LTBP1: variants seen among roughly 807,000 people sequenced by gnomAD.
The protein encoded by LTBP1 is latent transforming growth factor beta binding protein 1, also known as latent-transforming growth factor beta-binding protein 1.
LTBP1 carries 129 observed loss-of-function variants against 207.6 expected under a neutral mutation model. That is an observed-to-expected ratio of 0.62 (90% CI 0.54 to 0.72). The LOEUF is 0.72. Ranked by LOEUF, LTBP1 falls within the 30% of genes least tolerant of loss-of-function variation. The pLI is 0.00. For missense variants in LTBP1, 2,281 were observed against 2,217.2 expected (o/e 1.03, Z -0.58); for synonymous variants, 963 against 833.7 (o/e 1.16, Z -2.67).
Position 33,314,168 on chromosome 2 carries a change from C to T in LTBP1, c.3605-976C>T, listed in dbSNP as rs149459364. Among the ~76,000 whole-genome samples the T allele has an allele frequency of 1.6e-3, 248 of 152,200 alleles. 1 individual carries two copies. Among genetic ancestry groups the T allele is most frequent in the African/African-American group, 5.4e-3 (223 of 41,524 alleles). On this transcript the variant is annotated intron_variant, in intron 23 of 33. Coordinates refer to ENST00000404816, the MANE Select transcript of LTBP1 (RefSeq NM_206943.4). ...CTTAATAGTAGTTATTGCTTTTTGACGCTTCATTGTGTGGTAGGCACTGCC... is the reference window on the plus strand; with the variant it reads ...CTTAATAGTAGTTATTGCTTTTTGATGCTTCATTGTGTGGTAGGCACTGCC...
At chr2:33,158,943 G>A (rs1024586816) in intron 5 of LTBP1, among the ~76,000 whole-genome samples, 7 of 152,178 alleles carry the variant, frequency 4.6e-5, no homozygotes, top group Admixed American at 1.3e-4. Flanking sequence ...TCTCAGTCCA[G>A]CACAGTATAA....
intron 3 of LTBP1, among the ~76,000 whole-genome samples, chr2:33,088,968 C>A (rs1299126917): frequency 6.6e-6 from 1 of 151,720 alleles, no homozygotes; most frequent in African/African-American, 2.4e-5. Context: ...CCAGCCTGGC[C>A]AACATGTTGA....
intron 3 of LTBP1, among the ~76,000 whole-genome samples, chr2:33,099,110 T>C (rs1323331917): frequency 6.6e-6 from 1 of 152,240 alleles, no homozygotes; most frequent in East Asian, 1.9e-4. Context: ...CCCTCCAACA[T>C]TTTCAGCAGT....
At chr2:33,337,173 C>T (rs937014904) in intron 24 of LTBP1, among the ~76,000 whole-genome samples, 2 of 152,076 alleles carry the variant, frequency 1.3e-5, no homozygotes, top group East Asian at 1.9e-4. Flanking sequence ...TTTGAGAATT[C>T]GGGAGTGCAT....
chr2:33,388,246 G>A (rs982249128), intron 31 of LTBP1, among the ~76,000 whole-genome samples: 1 of 152,156 alleles, frequency 6.6e-6, no homozygotes, highest in South Asian at 2.1e-4. Flanking sequence ...TCAGGGGGCC[G>A]TGGGGCTGAC....
chr2:33,232,175 A>T (rs956753329), intron 9 of LTBP1, among the ~76,000 whole-genome samples: 1 of 152,130 alleles, frequency 6.6e-6, no homozygotes, highest in South Asian at 2.1e-4. Flanking sequence ...GTGACCAGAC[A>T]TTACCTAGGG....
At chr2:33,193,515 C>T (rs2088161300) in intron 7 of LTBP1, among the ~76,000 whole-genome samples, 1 of 152,164 alleles carries the variant, frequency 6.6e-6, no homozygotes, top group African/African-American at 2.4e-5. Context: ...TCGTAGTTTA[C>T]AGGCACACTT....
intron 9 of LTBP1, among the ~76,000 whole-genome samples, chr2:33,222,794 A>G (rs2091197045): frequency 1.3e-5 from 2 of 152,322 alleles, no homozygotes; most frequent in African/African-American, 4.8e-5. Flanking sequence ...TTCTTGTGGC[A>G]GCATAGAGCT....
intron 2 of LTBP1, among the ~76,000 whole-genome samples, chr2:32,955,045 G>T (rs1677859507): frequency 6.6e-6 from 1 of 152,228 alleles, no homozygotes; most frequent in Non-Finnish European, 1.5e-5. Context: ...AATGTTGAAA[G>T]TTGTTAAATT....
intron 2 of LTBP1, among the ~76,000 whole-genome samples, chr2:32,968,050 C>T (rs1680260111): frequency 6.6e-6 from 1 of 152,156 alleles, no homozygotes; most frequent in Non-Finnish European, 1.5e-5. Flanking sequence ...TCACTGCAAC[C>T]TCTGTCTCCT....
intron 25 of LTBP1, among the ~76,000 whole-genome samples, chr2:33,344,786 C>T (rs2149715132): frequency 6.6e-6 from 1 of 152,308 alleles, no homozygotes; most frequent in Admixed American, 6.5e-5. Context: ...GGGCAGGGCA[C>T]GATGCTTGGC....
At chr2:33,155,259 T>G (rs1325395880) in intron 5 of LTBP1, among the ~76,000 whole-genome samples, 3 of 151,950 alleles carry the variant, frequency 2.0e-5, no homozygotes. Context: ...AGAGATACGG[T>G]TTCACCATAT....
rs746745661 is a variant in LTBP1 at position 33,128,433 on chromosome 2, G to C, written c.1034-6360G>C. Among the ~76,000 whole-genome samples the C allele has an allele frequency of 2.9e-4, 44 of 152,326 alleles. No individual in the cohort carries two copies. The South Asian group carries it at 5.0e-3, about 17-fold the overall frequency. On this transcript the variant is annotated intron_variant, in intron 4 of 33. Coordinates refer to ENST00000404816, the MANE Select transcript of LTBP1 (RefSeq NM_206943.4). Reference sequence around the variant, plus strand: ...CTCTGCTCCTTATTCTGTTTACAGAGAGCAGTGAAGTCAGTCTTCTTGTCA... The same window carrying C: ...CTCTGCTCCTTATTCTGTTTACAGACAGCAGTGAAGTCAGTCTTCTTGTCA...
rs981898333 is a variant in LTBP1, at chr2:33,399,179, G to T, written c.*634G>T. 6.6e-6 allele frequency: 1 copy of T among 152,486 alleles called. No homozygotes were observed. Among genetic ancestry groups the T allele is most frequent in the East Asian group, 1.9e-4 (1 of 5,198 alleles). The allele number at this position is 152,486 out of a possible 1,614,324, so 9.4% of individuals were successfully genotyped here. A position where few individuals can be genotyped will look rare whatever the true frequency, so the allele number is the denominator to read the frequency against. On this transcript the variant is annotated 3_prime_UTR_variant, in exon 34 of 34. Transcript: ENST00000404816. ...AGTGTTTTGTCTGATTTTAATGTCC[G>T]TTCTTAGCCAAGCTGCTAGCAGGTG...
At chr2:33,270,442 T>G (rs995332329) in intron 15 of LTBP1, among the ~76,000 whole-genome samples, 1 of 151,604 alleles carries the variant, frequency 6.6e-6, no homozygotes, top group African/African-American at 2.4e-5. Context: ...ACAAAAAAAT[T>G]AGCCGGGCGT....
chr2:33,196,473 G>T (rs966553266), intron 7 of LTBP1, among the ~76,000 whole-genome samples: 20 of 152,008 alleles, frequency 1.3e-4, no homozygotes, highest in African/African-American at 4.3e-4. Flanking sequence ...GTGACATGAG[G>T]CCAAGGAAGA....
chr2:33,343,269 G>A (rs565811182), intron 25 of LTBP1, among the ~76,000 whole-genome samples: 186 of 151,954 alleles, frequency 1.2e-3, no homozygotes, highest in African/African-American at 4.3e-3. Flanking sequence ...AAATTAGCCA[G>A]GCTTGATGGT....
intron 3 of LTBP1, among the ~76,000 whole-genome samples, chr2:33,044,653 G>C (rs1463278149): frequency 9.9e-5 from 15 of 152,166 alleles, no homozygotes; most frequent in Non-Finnish European, 1.5e-5. Context: ...GGGTCAAATG[G>C]TAATTCTGGT....
chr2:33,371,981 TTAG>T lies in LTBP1; in HGVS notation c.4711+6482_4711+6484del, dbSNP rs374149214. Among the ~76,000 whole-genome samples, 21 of 152,324 alleles carry T rather than the reference TTAG, an allele frequency of 1.4e-4. No individual in the cohort carries two copies. In the East Asian group the frequency reaches 4.0e-3, roughly 29 times the overall value. On this transcript the variant is annotated intron_variant, in intron 31 of 33. Transcript: ENST00000404816. ...TGTATGCTACTTGCCCATTAGTCAC[TTAG>T]TAGCAGCTCCATTATCTGATAGAAA... is the stretch of plus-strand genomic sequence containing the variant.
Sources: allele counts gnomAD v4.1 joint callset (sites outside exome capture counted in the v4.1 genomes callset), GRCh38; gene constraint gnomAD v4.1.1; transcripts MANE v1.5; gene names NCBI Gene and HGNC (gene_info 2026-07-23, HGNC 2026-07-21).